The following SYTL2 variants were observed in gnomAD, a reference collection of about 807,000 sequenced individuals.
SYTL2 encodes synaptotagmin like 2.
Under a neutral mutation model 198.7 loss-of-function variants are expected in SYTL2, and 165 were observed. The observed-to-expected ratio is 0.83, with a 90% CI of 0.73 to 0.94. SYTL2 has a LOEUF of 0.94. Ranked by LOEUF, SYTL2 falls within the 40% of genes least tolerant of loss-of-function variation. SYTL2 has a pLI of 0.00. For missense variants in SYTL2, 2,835 were observed against 2,582.8 expected (o/e 1.10, Z -2.12); for synonymous variants, 966 against 917.7 (o/e 1.05, Z -0.95).
At chr11:85,733,886 A>C (rs779390939) in intron 7 of SYTL2, 53 bp downstream of exon 7, 1 of 1,503,910 alleles carries the variant, frequency 6.6e-7, no homozygotes, top group East Asian at 2.3e-5. Flanking sequence ...GGCGTGAGCC[A>C]CCGCGCCCGG....
At chr11:85,696,100 G>T (rs1035990838) in intron 19 of SYTL2, 83 bp downstream of exon 19, 19 of 1,124,122 alleles carry the variant, frequency 1.7e-5, no homozygotes, top group Non-Finnish European at 2.1e-5. Context: ...GTTTTCACTG[G>T]GAAGAAGCAA....
At chr11:85,771,204 CG>C (rs2092348454) in intron 1 of SYTL2, among the ~76,000 whole-genome samples, 1 of 152,152 alleles carries the variant, frequency 6.6e-6, no homozygotes, top group Non-Finnish European at 1.5e-5. Flanking sequence ...GAGCATCTCT[CG>C]AGACTTCCTG....
chr11:85,714,504 G>C lies in SYTL2; in HGVS notation c.5534C>G (p.Ser1845Cys). Residue 1845 changes from serine (S) to cysteine (C), a missense_variant, in exon 12 of 20, where the codon TCC becomes TGC. By Grantham distance (112) the Ser-to-Cys change is moderately radical (BLOSUM62 -1). Coordinates refer to ENST00000359152, the MANE Select transcript of SYTL2 (RefSeq NM_206927.4). ...PVTNECVPRISTVPTQPDNPF... is the reference protein window; with the variant it reads ...PVTNECVPRICTVPTQPDNPF... ...ATTATCAGGTTGTGTAGGCACTGTG[G>C]AAACTAAACAGCAGCATTTCCATTT... The C allele has an allele frequency of 6.2e-7, 1 of 1,611,630 alleles. No individual in the cohort carries two copies. Among genetic ancestry groups the C allele is most frequent in the Non-Finnish European group, 8.5e-7 (1 of 1,178,020 alleles).
In SYTL2 at chr11:85,734,054, T is replaced by G. The variant is rs1347121544; in HGVS notation, c.1275A>C (p.Ser425=). Residue 425 remains serine (S), a synonymous_variant, in exon 7 of 20, where the codon TCA becomes TCC. Coordinates refer to ENST00000359152, the MANE Select transcript of SYTL2 (RefSeq NM_206927.4). The stretch of plus-strand genomic sequence containing the variant: ...ACTGTGGTCTTGCAGTTAAAACTTC[T>G]GAATGAGAATGCAGCCCATTAATTG... ...SFPINGLHSH[S]EVLTARPQSM... 2 of 1,614,144 alleles carry G rather than the reference T, an allele frequency of 1.2e-6. No individual in the cohort carries two copies. The highest frequency in any genetic ancestry group is 1.7e-6 in the Non-Finnish European group (2 of 1,179,954).
chr11:85,756,642 T>C (rs1354208324), intron 2 of SYTL2, among the ~76,000 whole-genome samples: 1 of 152,186 alleles, frequency 6.6e-6, no homozygotes. Flanking sequence ...TAAAAAATAA[T>C]GGGCATGTTA....
At position 85,727,569 on chromosome 11, in the gene SYTL2, C is replaced by T; in HGVS notation, c.1789G>A (p.Asp597Asn). ...TGGCAACTTTCAGAAACCAGCATAT[C>T]TCCCTCTGCTTGGAATGGTGAGTCA... ...RSDSPFQAEG[D>N]MLVSESCQDN... The change falls in exon 8 of 20, where the codon GAT (aspartate) becomes AAT (asparagine). Residue 597 changes from aspartate (D) to asparagine (N), a missense_variant. Asp to Asn is a conservative substitution (Grantham distance 23). Transcript: ENST00000359152. 1 of 1,536,072 alleles carries T rather than the reference C, an allele frequency of 6.5e-7. No individual in the cohort carries two copies. The highest frequency in any genetic ancestry group is 1.2e-5 in the South Asian group (1 of 84,052).
chr11:85,748,444 T>C (rs1565977569), intron 2 of SYTL2, 21 bp from the exon 3 acceptor site: 5 of 1,612,834 alleles, frequency 3.1e-6, no homozygotes, highest in Non-Finnish European at 4.2e-6. Flanking sequence ...AAAAGATCTT[T>C]AGTTTGCTGA....
At chr11:85,776,423 C>T (rs1381601896) in intron 1 of SYTL2, among the ~76,000 whole-genome samples, 1 of 152,170 alleles carries the variant, frequency 6.6e-6, no homozygotes. Context: ...CAACAGGCCC[C>T]GGTGTGTTAT....
intron 1 of SYTL2, among the ~76,000 whole-genome samples, chr11:85,780,974 C>T (rs1199365013): frequency 1.3e-5 from 2 of 152,170 alleles, no homozygotes; most frequent in Non-Finnish European, 2.9e-5. Context: ...GAACTGATTG[C>T]TTGCTTGGTA....
Position 85,734,007 on chromosome 11 carries a change from ATGGT to A in SYTL2, c.1318_1321del (p.Thr440SerfsTer11). The A allele has an allele frequency of 6.2e-7, 1 of 1,614,048 alleles. No individual in the cohort carries two copies. Among genetic ancestry groups the A allele is most frequent in the Non-Finnish European group, 8.5e-7 (1 of 1,179,958 alleles). On this transcript the variant is annotated frameshift_variant, in exon 7 of 20. Transcript: ENST00000359152. LOFTEE classifies it high-confidence loss of function. Reference sequence around the variant, plus strand: ...TGATGATTTATCTTTGGGTTCATTGATGGTTGGTGAATTCTCCATAGACTGTGGT... The same window carrying A: ...TGATGATTTATCTTTGGGTTCATTGATGGTGAATTCTCCATAGACTGTGGT...
At chr11:85,811,176 G>C (rs958620923), upstream of SYTL2, 1 of 151,906 alleles carries the variant, frequency 6.6e-6, no homozygotes, top group African/African-American at 2.4e-5. Context: ...GTCCCTCCCC[G>C]CTACCCCCGC....
In SYTL2 at chr11:85,725,195, C is replaced by A. The variant is rs771758450; in HGVS notation, c.4163G>T (p.Gly1388Val). 1 of 1,614,114 alleles carries A rather than the reference C, an allele frequency of 6.2e-7. No homozygotes were observed. Among genetic ancestry groups the A allele is most frequent in the South Asian group, 1.1e-5 (1 of 91,080 alleles). ...CACTTCTCCAGGACCTACTTCCCTT[C>A]CAGCTGGATAACTTAACCATACTTC... ...CGEVWLSYPA[G>V]REVGPGEVNP... The change falls in exon 8 of 20, where the codon GGA (glycine) becomes GTA (valine). Residue 1388 changes from glycine (G) to valine (V), a missense_variant. Around this residue, in one of 3 missense-constraint regions of SYTL2, gnomAD observed 2,645 missense variants for 2,381.7 expected, o/e 1.11. Coordinates refer to ENST00000359152, the MANE Select transcript of SYTL2 (RefSeq NM_206927.4).
At chr11:85,818,847 T>C in the SYTL2 span, among the ~76,000 whole-genome samples, 5 of 150,446 alleles carry the variant, frequency 3.3e-5, no homozygotes, top group African/African-American at 1.0e-4. Flanking sequence ...TGCACCACCA[T>C]ACCCAGCTAA....
chr11:85,721,489 G>C (rs1467241976), intron 8 of SYTL2, among the ~76,000 whole-genome samples: 1 of 151,948 alleles, frequency 6.6e-6, no homozygotes, highest in Non-Finnish European at 1.5e-5. Context: ...AAATAACATG[G>C]GATAGTCAAA....
At position 85,695,091 on chromosome 11, in the gene SYTL2, T is replaced by G. The variant is rs2083231340; in HGVS notation, c.*104A>C. ...TACATGCTGTGTAGTATTCCTTAGG[T>G]GCAATAGATAGAAAGTGAGGATATT... On this transcript the variant is annotated 3_prime_UTR_variant, in exon 20 of 20. Transcript: ENST00000359152. The G allele has an allele frequency of 1.6e-6, 2 of 1,229,414 alleles. No individual in the cohort carries two copies. 76.2% of individuals were successfully genotyped at this position (1,229,414 alleles called of 1,614,324 possible).
chr11:85,814,320 C>T (rs1259996082), upstream of SYTL2, among the ~76,000 whole-genome samples: 2 of 152,112 alleles, frequency 1.3e-5, no homozygotes, highest in African/African-American at 2.4e-5. Flanking sequence ...TTTTATTGTC[C>T]CCCTCCTTCA....
chr11:85,826,594 G>A, the SYTL2 span, among the ~76,000 whole-genome samples: 4 of 152,238 alleles, frequency 2.6e-5, no homozygotes, highest in South Asian at 4.1e-4. Flanking sequence ...GGGAGCCAGC[G>A]TCTGGAGGAC....
At chr11:85,743,949 T>C (rs549261712) in intron 4 of SYTL2, among the ~76,000 whole-genome samples, 1 of 152,266 alleles carries the variant, frequency 6.6e-6, no homozygotes, top group African/African-American at 2.4e-5. Context: ...AAGCCAGCTC[T>C]TAAGAGCTTC....
chr11:85,734,033 T>C lies in SYTL2; in HGVS notation c.1296A>G (p.Pro432=). ...HSHSEVLTAR[P]QSMENSPTIN... ...TGGTTGGTGAATTCTCCATAGACTG[T>C]GGTCTTGCAGTTAAAACTTCTGAAT... Residue 432 remains proline (P), a synonymous_variant, in exon 7 of 20, where the codon CCA becomes CCG. Transcript: ENST00000359152. 1 of 1,614,040 alleles carries C rather than the reference T, an allele frequency of 6.2e-7. No individual in the cohort carries two copies. Among genetic ancestry groups the C allele is most frequent in the South Asian group, 1.1e-5 (1 of 91,086 alleles).
Sources: allele counts gnomAD v4.1 joint callset (sites outside exome capture counted in the v4.1 genomes callset), GRCh38; gene constraint gnomAD v4.1.1; regional missense constraint gnomAD v4.1.1; transcripts MANE v1.5; gene names NCBI Gene and HGNC (gene_info 2026-07-23, HGNC 2026-07-21).